The following CNTNAP2 variants were observed in gnomAD, a reference collection of about 807,000 sequenced individuals.
The protein encoded by CNTNAP2 is contactin associated protein 2, also known as contactin-associated protein-like 2.
Under a neutral mutation model 155.2 loss-of-function variants are expected in CNTNAP2, and 98 were observed. That is an observed-to-expected ratio of 0.63 (90% confidence interval 0.54 to 0.75). CNTNAP2 has a LOEUF of 0.75. Among genes scored for constraint, CNTNAP2 ranks in the 30% least tolerant of loss-of-function variants. CNTNAP2 has a pLI of 0.00. For missense variants in CNTNAP2, 1,727 were observed against 1,688.1 expected (o/e 1.02, Z -0.40); for synonymous variants, 651 against 631.2 (o/e 1.03, Z -0.47).
At chr7:146,408,838 A>T (rs1466371568) in intron 1 of CNTNAP2, among the ~76,000 whole-genome samples, 1 of 152,084 alleles carries the variant, frequency 6.6e-6, no homozygotes, top group Non-Finnish European at 1.5e-5. Context: ...TATTTGAAAT[A>T]ATACACAGAT....
At chr7:148,001,763 G>A (rs1193200315) in intron 15 of CNTNAP2, among the ~76,000 whole-genome samples, 1 of 152,092 alleles carries the variant, frequency 6.6e-6, no homozygotes, top group Non-Finnish European at 1.5e-5. Flanking sequence ...TTCAAATAAA[G>A]TATTTTTATT....
At chr7:146,928,049 T>A (rs1585162170) in intron 3 of CNTNAP2, among the ~76,000 whole-genome samples, 1 of 151,774 alleles carries the variant, frequency 6.6e-6, no homozygotes, top group Non-Finnish European at 1.5e-5. Context: ...TCCTCCTGTT[T>A]CTACCTGCAT....
At chr7:146,177,955 T>C (rs1345050983) in intron 1 of CNTNAP2, among the ~76,000 whole-genome samples, 1 of 152,224 alleles carries the variant, frequency 6.6e-6, no homozygotes, top group Non-Finnish European at 1.5e-5. Flanking sequence ...ATCCTTCCTC[T>C]TACCTATGAG....
intron 11 of CNTNAP2, among the ~76,000 whole-genome samples, chr7:147,493,374 TC>T (rs1462528707): frequency 5.3e-5 from 8 of 152,202 alleles, no homozygotes; most frequent in Non-Finnish European, 8.8e-5. Flanking sequence ...CAATTTACTT[TC>T]CATCCCATTC....
rs368092824 is a variant in CNTNAP2 at position 146,635,570 on chromosome 7, A to G, written c.98-138701A>G. Among the ~76,000 whole-genome samples the G allele has an allele frequency of 6.5e-4, 99 of 152,322 alleles. 1 individual carries two copies. In the East Asian group the frequency reaches 0.017, roughly 26 times the overall value. The stretch of plus-strand genomic sequence containing the variant: ...AAAGAAGAAAATTGTATTCATCAGA[A>G]TTCTTCTTAAAAGAGAATACTGGGT... On this transcript the variant is annotated intron_variant, in intron 1 of 23. Coordinates refer to ENST00000361727, the MANE Select transcript of CNTNAP2 (RefSeq NM_014141.6).
chr7:146,764,494 A>G (rs926041693), intron 1 of CNTNAP2, among the ~76,000 whole-genome samples: 2 of 150,616 alleles, frequency 1.3e-5, no homozygotes, highest in Non-Finnish European at 3.0e-5. Context: ...TTTCTTTTAA[A>G]TTAGAAGATC....
chr7:147,745,847 A>G (rs1797032757), intron 13 of CNTNAP2, among the ~76,000 whole-genome samples: 1 of 152,228 alleles, frequency 6.6e-6, no homozygotes, highest in Non-Finnish European at 1.5e-5. Context: ...TAAAATTGTT[A>G]AGATCCTTTT....
chr7:148,332,522 G>C (rs904101276), intron 21 of CNTNAP2, among the ~76,000 whole-genome samples: 2 of 152,168 alleles, frequency 1.3e-5, no homozygotes, highest in Non-Finnish European at 2.9e-5. Flanking sequence ...GACCCAGAGC[G>C]TGGCCCTTCT....
At chr7:146,827,016 T>G (rs935728115) in intron 2 of CNTNAP2, among the ~76,000 whole-genome samples, 3 of 151,886 alleles carry the variant, frequency 2.0e-5, no homozygotes, top group African/African-American at 7.2e-5. Flanking sequence ...TAAGGAGATT[T>G]TTTTCAATTA....
chr7:147,121,069 A>G lies in CNTNAP2; in HGVS notation c.845A>G (p.Glu282Gly), dbSNP rs2129282723. 1.9e-6 allele frequency: 3 copies of G among 1,614,104 alleles called. No homozygotes were observed. In the South Asian group the frequency reaches 3.3e-5, roughly 18 times the overall value. Residue 282 changes from glutamate to glycine, a missense_variant, in exon 6 of 24, where the codon GAG (glutamate) becomes GGG (glycine). Coordinates refer to ENST00000361727, the MANE Select transcript of CNTNAP2 (RefSeq NM_014141.6). The stretch of plus-strand genomic sequence containing the variant: ...CACCACTGGCACTCTGTGGTCATTG[A>G]GCGCCAGGGGCGGAGCATTAACCTC... ...DDHHWHSVVI[E>G]RQGRSINLTL...
intron 1 of CNTNAP2, among the ~76,000 whole-genome samples, chr7:146,501,870 C>CA (rs1797305222): frequency 6.6e-6 from 1 of 151,958 alleles, no homozygotes; most frequent in East Asian, 1.9e-4. Context: ...AAGGGAAGGC[C>CA]ATGTTAACCT....
chr7:148,344,508 A>G (rs1798288075), intron 21 of CNTNAP2, among the ~76,000 whole-genome samples: 1 of 152,144 alleles, frequency 6.6e-6, no homozygotes, highest in African/African-American at 2.4e-5. Flanking sequence ...TATTCTCTGC[A>G]ATGATCTTAT....
At chr7:147,619,930 G>T (rs1232787360) in intron 12 of CNTNAP2, among the ~76,000 whole-genome samples, 1 of 152,176 alleles carries the variant, frequency 6.6e-6, no homozygotes, top group African/African-American at 2.4e-5. Flanking sequence ...AGTGGTGGTG[G>T]CCAAGGAGTA....
intron 1 of CNTNAP2, among the ~76,000 whole-genome samples, chr7:146,265,535 T>C (rs920477185): frequency 1.3e-5 from 2 of 151,182 alleles, no homozygotes; most frequent in African/African-American, 4.9e-5. Context: ...CTCAGCTCGC[T>C]ACAACTTCTG....
intron 2 of CNTNAP2, among the ~76,000 whole-genome samples, chr7:146,804,873 C>G (rs944207274): frequency 6.6e-6 from 1 of 152,224 alleles, no homozygotes; most frequent in Non-Finnish European, 1.5e-5. Context: ...TTCTGTGGTA[C>G]TCCAGTAAGT....
intron 1 of CNTNAP2, among the ~76,000 whole-genome samples, chr7:146,220,329 AG>A (rs1181244547): frequency 6.6e-6 from 1 of 152,088 alleles, no homozygotes; most frequent in African/African-American, 2.4e-5. Flanking sequence ...TTTTCCAGCT[AG>A]GTCTAATATC....
At chr7:146,210,335 AT>A (rs1799013944) in intron 1 of CNTNAP2, among the ~76,000 whole-genome samples, 1 of 152,176 alleles carries the variant, frequency 6.6e-6, no homozygotes, top group African/African-American at 2.4e-5. Flanking sequence ...CACTTAATAC[AT>A]AAGATGACTT....
At chr7:146,666,537 A>G (rs1395666560) in intron 1 of CNTNAP2, among the ~76,000 whole-genome samples, 1 of 152,098 alleles carries the variant, frequency 6.6e-6, no homozygotes, top group East Asian at 1.9e-4. Context: ...GCTGGATCAT[A>G]TTATAGTTCT....
chr7:148,343,706 C>T (rs771526798), intron 21 of CNTNAP2, among the ~76,000 whole-genome samples: 1 of 152,028 alleles, frequency 6.6e-6, no homozygotes, highest in Non-Finnish European at 1.5e-5. Flanking sequence ...AAGTAGTTTC[C>T]AAGAAAAGCG....
Sources: allele counts gnomAD v4.1 joint callset (sites outside exome capture counted in the v4.1 genomes callset), GRCh38; gene constraint gnomAD v4.1.1; transcripts MANE v1.5; gene names NCBI Gene and HGNC (gene_info 2026-07-23, HGNC 2026-07-21).